The following ANKRD55 variants were observed in gnomAD, a reference collection of about 807,000 sequenced individuals.
The protein encoded by ANKRD55 is ankyrin repeat domain 55.
Under a neutral mutation model 60.6 loss-of-function variants are expected in ANKRD55, and 41 were observed. The ratio of observed to expected loss-of-function variants is 0.68; its 90% CI spans 0.53 to 0.88. ANKRD55 has a LOEUF of 0.88. Among genes scored for constraint, ANKRD55 ranks in the 40% least tolerant of loss-of-function variants. The pLI is 0.00. For synonymous variants in ANKRD55, 264 were observed against 290.3 expected (o/e 0.91, Z 0.92); for missense variants, 732 against 767.6 (o/e 0.95, Z 0.55).
At chr5:56,137,041 T>C in intron 7 of ANKRD55, 1 of 761,692 alleles carries the variant, frequency 1.3e-6, no homozygotes, top group South Asian at 1.4e-5. Context: ...GAGGTTCAAG[T>C]CTTCGTGTTC....
intron 2 of ANKRD55, among the ~76,000 whole-genome samples, chr5:56,223,238 A>C (rs1217077686): frequency 6.6e-6 from 1 of 152,104 alleles, no homozygotes; most frequent in Admixed American, 6.6e-5. Context: ...CCAGAATTTC[A>C]TATCCAGCCA....
At chr5:56,217,775 A>C (rs1195560130) in intron 2 of ANKRD55, among the ~76,000 whole-genome samples, 1 of 152,100 alleles carries the variant, frequency 6.6e-6, no homozygotes, top group Admixed American at 6.5e-5. Context: ...GGGCACCTGT[A>C]GTCCCAGCTA....
chr5:56,207,630 C>T (rs376294855), intron 2 of ANKRD55, among the ~76,000 whole-genome samples: 130 of 152,292 alleles, frequency 8.5e-4, no homozygotes, highest in African/African-American at 3.0e-3. Context: ...AATTGTACCA[C>T]AGCATTTGTG....
intron 7 of ANKRD55, among the ~76,000 whole-genome samples, chr5:56,142,977 A>C (rs1283751139): frequency 6.6e-6 from 1 of 152,206 alleles, no homozygotes; most frequent in African/African-American, 2.4e-5. Flanking sequence ...CAATCCTGAA[A>C]GTCCCAGGTG....
intron 2 of ANKRD55, among the ~76,000 whole-genome samples, chr5:56,218,289 C>T (rs58408062): frequency 0.099 from 15,034 of 152,072 alleles, 1,303 homozygotes; most frequent in African/African-American, 0.24. Context: ...AGAATTTCTA[C>T]GGTGGGTAAA....
At chr5:56,177,783 A>AC (rs1491213907) in intron 3 of ANKRD55, among the ~76,000 whole-genome samples, 17 of 137,116 alleles carry the variant, frequency 1.2e-4, no homozygotes, top group African/African-American at 3.2e-4. Context: ...TCAAAAAAAA[A>AC]ACACACACAC....
intron 5 of ANKRD55, among the ~76,000 whole-genome samples, chr5:56,164,261 G>A (rs1338535686): frequency 6.6e-6 from 1 of 152,144 alleles, no homozygotes; most frequent in Non-Finnish European, 1.5e-5. Context: ...GAGCTTTCCT[G>A]TTTCGCTGGC....
chr5:56,176,074 C>G, intron 4 of ANKRD55, 78 bp downstream of exon 4: 1 of 1,568,346 alleles, frequency 6.4e-7, no homozygotes, highest in Non-Finnish European at 8.7e-7. Flanking sequence ...CAAGAATGCT[C>G]CTTTGCAACT....
At chr5:56,110,858 C>T (rs1019657869) in intron 10 of ANKRD55, among the ~76,000 whole-genome samples, 1 of 152,216 alleles carries the variant, frequency 6.6e-6, no homozygotes, top group African/African-American at 2.4e-5. Flanking sequence ...CAATCTGGTA[C>T]ATACCACACA....
chr5:56,127,626 C>T (rs1394954461), intron 7 of ANKRD55: 4 of 958,462 alleles, frequency 4.2e-6, no homozygotes, highest in Non-Finnish European at 5.0e-6. Context: ...GAGAATTTGT[C>T]CCAGGGAGCC....
At chr5:56,213,011 T>C (rs1759713717) in intron 2 of ANKRD55, among the ~76,000 whole-genome samples, 1 of 152,180 alleles carries the variant, frequency 6.6e-6, no homozygotes, top group Admixed American at 6.5e-5. Flanking sequence ...TATATTGTGG[T>C]CCTGGTGTTC....
intron 9 of ANKRD55, among the ~76,000 whole-genome samples, chr5:56,114,792 A>T (rs1056583046): frequency 6.6e-6 from 1 of 152,230 alleles, no homozygotes; most frequent in Non-Finnish European, 1.5e-5. Context: ...TATCAAAGAA[A>T]AATACACACA....
intron 5 of ANKRD55, among the ~76,000 whole-genome samples, chr5:56,165,702 G>C (rs1054312543): frequency 6.6e-6 from 1 of 152,102 alleles, no homozygotes; most frequent in Admixed American, 6.5e-5. Context: ...GGCTGAGGTG[G>C]GCGGATCACC....
At position 56,116,611 on chromosome 5, in the gene ANKRD55, T is replaced by G; in HGVS notation, c.965+4A>C. On this transcript the variant is annotated splice_donor_region_variant and intron_variant, in intron 9 of 11. Coordinates refer to ENST00000341048, the MANE Select transcript of ANKRD55 (RefSeq NM_024669.3). ...GAAAAATAACTGGCTCCTGTTGTAC[T>G]CACCTGCTCTCTTGGGAGAGGAGTT... 1 of 1,544,970 alleles carries G rather than the reference T, an allele frequency of 6.5e-7. No homozygotes were observed. The highest frequency in any genetic ancestry group is 1.2e-5 in the South Asian group (1 of 80,660).
At chr5:56,137,412 A>G (rs1757636534) in intron 7 of ANKRD55, 1 of 887,536 alleles carries the variant, frequency 1.1e-6, no homozygotes, top group Admixed American at 1.7e-5. Context: ...TCCCTGCCAC[A>G]CTGAGATGAT....
chr5:56,153,171 C>T (rs1019815288), intron 6 of ANKRD55, among the ~76,000 whole-genome samples: 6 of 152,008 alleles, frequency 3.9e-5, no homozygotes, highest in Non-Finnish European at 7.4e-5. Flanking sequence ...ACCATTATGT[C>T]TATGAAATGA....
chr5:56,115,929 A>C (rs1372417890), intron 9 of ANKRD55, among the ~76,000 whole-genome samples: 1 of 152,024 alleles, frequency 6.6e-6, no homozygotes, highest in African/African-American at 2.4e-5. Flanking sequence ...ATCTCGGGTC[A>C]CTGCAAACTC....
At chr5:56,153,710 G>A (rs1758115356) in intron 6 of ANKRD55, among the ~76,000 whole-genome samples, 1 of 152,010 alleles carries the variant, frequency 6.6e-6, no homozygotes, top group East Asian at 1.9e-4. Context: ...GGTGGTGGGT[G>A]CCTGTAATCC....
chr5:56,119,390 T>C (rs1288037195), intron 8 of ANKRD55, among the ~76,000 whole-genome samples: 1 of 152,174 alleles, frequency 6.6e-6, no homozygotes, highest in Non-Finnish European at 1.5e-5. Context: ...GGCAAAACTA[T>C]ACAGACAGAT....
Sources: gnomAD v4.1 joint callset for allele counts (sites outside exome capture counted in the v4.1 genomes callset) on GRCh38, gnomAD v4.1.1 for gene constraint, MANE v1.5 for transcripts, NCBI Gene and HGNC (gene_info 2026-07-23, HGNC 2026-07-21) for gene names.